The following CLMN variants were observed in gnomAD, a reference collection of about 807,000 sequenced individuals.
The protein encoded by CLMN is calmin.
Under a neutral mutation model 92.7 loss-of-function variants are expected in CLMN, and 57 were observed. The observed-to-expected ratio is 0.61, with a 90% CI of 0.50 to 0.77. The LOEUF (loss-of-function observed/expected upper bound fraction) is 0.77, where lower values mean the gene tolerates loss of function less well. Ranked by LOEUF, CLMN falls within the 30% of genes least tolerant of loss-of-function variation. The pLI is 0.00. For missense variants in CLMN, 1,158 were observed against 1,237.5 expected, an observed-to-expected ratio of 0.94 and a Z score of 0.96; for synonymous variants, 466 against 470.6, an observed-to-expected ratio of 0.99 and a Z score of 0.13.
chr14:95,200,628 C>T (rs1566860945), intron 9 of CLMN, among the ~76,000 whole-genome samples: 2 of 152,178 alleles, frequency 1.3e-5, no homozygotes, highest in Non-Finnish European at 2.9e-5. Flanking sequence ...TCAGGCCAGC[C>T]GCCCAGGCAC....
chr14:95,245,188 A>AT (rs1471340943), intron 1 of CLMN, among the ~76,000 whole-genome samples: 1 of 38,140 alleles, frequency 2.6e-5, no homozygotes, highest in African/African-American at 1.2e-4. Flanking sequence ...ATATATATAT[A>AT]TATATAATAT....
chr14:95,264,737 T>C (rs539422986), intron 1 of CLMN, among the ~76,000 whole-genome samples: 5 of 152,276 alleles, frequency 3.3e-5, no homozygotes, highest in African/African-American at 1.2e-4. Flanking sequence ...TTATTCTAGA[T>C]GTTTCTGTGA....
intron 1 of CLMN, among the ~76,000 whole-genome samples, chr14:95,266,293 T>G (rs1172657775): frequency 6.6e-6 from 1 of 152,166 alleles, no homozygotes; most frequent in Non-Finnish European, 1.5e-5. Flanking sequence ...CAACATAATC[T>G]TGCATTTAGA....
At chr14:95,287,861 A>T (rs915984659) in intron 1 of CLMN, among the ~76,000 whole-genome samples, 8 of 152,158 alleles carry the variant, frequency 5.3e-5, no homozygotes, top group African/African-American at 1.7e-4. Flanking sequence ...AGCTATCTGC[A>T]TTTCCCTCCC....
Position 95,182,306 on chromosome 14 carries a change from A to C in CLMN, c.*9258T>G, listed in dbSNP as rs1896346353. The stretch of plus-strand genomic sequence containing the variant: ...AGACATAGTCAATTAAGCCCTGCAC[A>C]ATAAGGAAACATTCAATCTGCTCAA... On this transcript the variant is annotated 3_prime_UTR_variant, in exon 13 of 13. Coordinates refer to ENST00000298912, the MANE Select transcript of CLMN (RefSeq NM_024734.4). 1 of 152,244 alleles carries C rather than the reference A, an allele frequency of 6.6e-6. No individual in the cohort carries two copies. The highest frequency in any genetic ancestry group is 1.5e-5 in the Non-Finnish European group (1 of 68,046). The allele number at this position is 152,244 out of a possible 1,614,324, so 9.4% of individuals were successfully genotyped here.
rs1227613387 is a variant in CLMN, at chr14:95,185,945, T to C, written c.*5619A>G. On this transcript the variant is annotated 3_prime_UTR_variant, in exon 13 of 13. Coordinates refer to ENST00000298912, the MANE Select transcript of CLMN (RefSeq NM_024734.4). ...GCAGCCATGATGGATTCTGACATTT[T>C]CGTAAGACACATCTGTACTTGCTAA... is the stretch of plus-strand genomic sequence containing the variant. The C allele has an allele frequency of 6.6e-6, 1 of 152,254 alleles. No homozygotes were observed. Among genetic ancestry groups the C allele is most frequent in the East Asian group, 1.9e-4 (1 of 5,200 alleles). The allele number at this position is 152,254 out of a possible 1,614,324, so 9.4% of individuals were successfully genotyped here.
At chr14:95,254,721 G>A (rs1898926194) in intron 1 of CLMN, among the ~76,000 whole-genome samples, 1 of 152,040 alleles carries the variant, frequency 6.6e-6, no homozygotes, top group Non-Finnish European at 1.5e-5. Context: ...TTTTTGAGAT[G>A]GAGTCTTGCT....
At chr14:95,228,946 G>GTA (rs749799006) in intron 2 of CLMN, among the ~76,000 whole-genome samples, 57 of 152,154 alleles carry the variant, frequency 3.7e-4, no homozygotes, top group Non-Finnish European at 6.5e-4. Flanking sequence ...AAGCACTGGG[G>GTA]TTACAGGCAT....
intron 1 of CLMN, among the ~76,000 whole-genome samples, chr14:95,267,229 G>A (rs187406404): frequency 1.3e-5 from 2 of 152,252 alleles, no homozygotes; most frequent in Admixed American, 1.3e-4. Context: ...AATCAACAAA[G>A]TGAAGAGACA....
chr14:95,287,856 T>C (rs2140752519), intron 1 of CLMN, among the ~76,000 whole-genome samples: 1 of 152,326 alleles, frequency 6.6e-6, no homozygotes, highest in East Asian at 1.9e-4. Context: ...TAGCCAGCTA[T>C]CTGCATTTCC....
intron 1 of CLMN, among the ~76,000 whole-genome samples, chr14:95,291,640 G>A (rs1232465890): frequency 3.3e-5 from 5 of 152,164 alleles, no homozygotes; most frequent in Non-Finnish European, 5.9e-5. Context: ...CTGAGCGTAC[G>A]TTATTCAGAG....
In CLMN at chr14:95,183,438, A is replaced by G. The variant is rs1896372509; in HGVS notation, c.*8126T>C. 6.6e-6 allele frequency: 1 copy of G among 152,260 alleles called. No individual in the cohort carries two copies. 9.4% of individuals were successfully genotyped at this position (152,260 alleles called of 1,614,324 possible). A position where few individuals can be genotyped will look rare whatever the true frequency, so the allele number is the denominator to read the frequency against. ...TTTTGTTTTTTGTAACAATGCAAAA[A>G]TCACTACTTTTAAGCTTAAAATACA... On this transcript the variant is annotated 3_prime_UTR_variant, in exon 13 of 13. Transcript: ENST00000298912.
intron 1 of CLMN, among the ~76,000 whole-genome samples, chr14:95,306,635 G>A (rs755901137): frequency 5.9e-5 from 9 of 152,078 alleles, no homozygotes; most frequent in Non-Finnish European, 7.3e-5. Context: ...ATTAATAAGC[G>A]CATACCCCAC....
intron 1 of CLMN, among the ~76,000 whole-genome samples, chr14:95,279,660 G>C (rs1900068553): frequency 6.6e-6 from 1 of 152,230 alleles, no homozygotes; most frequent in Non-Finnish European, 1.5e-5. Flanking sequence ...GCGGGCACCT[G>C]TGGTCCCAGC....
chr14:95,258,755 T>G (rs1899123896), intron 1 of CLMN, among the ~76,000 whole-genome samples: 1 of 141,548 alleles, frequency 7.1e-6, no homozygotes, highest in African/African-American at 2.7e-5. Flanking sequence ...GTGTGTGGTA[T>G]GTGTATGTAT....
intron 1 of CLMN, among the ~76,000 whole-genome samples, chr14:95,266,223 G>T (rs1248367563): frequency 6.6e-6 from 1 of 152,194 alleles, no homozygotes; most frequent in East Asian, 1.9e-4. Flanking sequence ...GCAAAAGAAA[G>T]AAACGAAGGG....
chr14:95,227,329 G>T (rs1017022879), intron 2 of CLMN, among the ~76,000 whole-genome samples: 2 of 152,142 alleles, frequency 1.3e-5, no homozygotes, highest in Non-Finnish European at 2.9e-5. Context: ...AAAGGGCTTC[G>T]CTTCAAGGGC....
chr14:95,279,027 C>G (rs1160745021), intron 1 of CLMN, among the ~76,000 whole-genome samples: 1 of 152,180 alleles, frequency 6.6e-6, no homozygotes, highest in Non-Finnish European at 1.5e-5. Flanking sequence ...AATGAAAAAT[C>G]TTACGACTAC....
chr14:95,265,974 C>T (rs1206914266), intron 1 of CLMN, among the ~76,000 whole-genome samples: 2 of 152,204 alleles, frequency 1.3e-5, no homozygotes, highest in East Asian at 1.9e-4. Context: ...GAGAAGCCAC[C>T]GTCGAGGCAC....
Sources: gnomAD v4.1 joint callset for allele counts (sites outside exome capture counted in the v4.1 genomes callset) on GRCh38, gnomAD v4.1.1 for gene constraint, MANE v1.5 for transcripts, NCBI Gene and HGNC (gene_info 2026-07-23, HGNC 2026-07-21) for gene names.